NECAB1: variants seen among roughly 807,000 people sequenced by gnomAD.
The protein encoded by NECAB1 is N-terminal EF-hand calcium-binding protein 1.
NECAB1 carries 29 observed loss-of-function variants against 57.5 expected under a neutral mutation model. That is an observed-to-expected ratio of 0.50 (90% CI 0.38 to 0.69). The LOEUF (loss-of-function observed/expected upper bound fraction) is 0.69, where lower values mean the gene tolerates loss of function less well. NECAB1 is among the 30% of genes least tolerant of loss of function. The pLI is 0.00. For synonymous variants in NECAB1, 142 were observed against 147.7 expected (o/e 0.96, Z 0.28); for missense variants, 372 against 413.8 (o/e 0.90, Z 0.88).
chr8:90,800,654 A>G (rs1049376252), intron 1 of NECAB1, among the ~76,000 whole-genome samples: 2 of 152,230 alleles, frequency 1.3e-5, no homozygotes, highest in African/African-American at 4.8e-5. Context: ...TTCAACCTAC[A>G]ATATATCCAA....
intron 10 of NECAB1, 37 bp from the exon 11 acceptor site, chr8:90,949,770 T>C: frequency 1.6e-6 from 2 of 1,249,080 alleles, no homozygotes; most frequent in South Asian, 1.3e-5. Flanking sequence ...ATCTTTAATT[T>C]CCAGTAGCTA....
chr8:90,944,483 C>G (rs1810751759), intron 10 of NECAB1, among the ~76,000 whole-genome samples: 1 of 152,198 alleles, frequency 6.6e-6, no homozygotes, highest in South Asian at 2.1e-4. Flanking sequence ...CATACACACA[C>G]TATTCTTCAC....
At chr8:90,798,723 G>T (rs961953934) in intron 1 of NECAB1, among the ~76,000 whole-genome samples, 1 of 152,114 alleles carries the variant, frequency 6.6e-6, no homozygotes, top group African/African-American at 2.4e-5. Flanking sequence ...AGTTGATTTA[G>T]TATTTTTGCT....
At chr8:90,874,689 A>AT (rs1423597767) in intron 4 of NECAB1, among the ~76,000 whole-genome samples, 1 of 152,086 alleles carries the variant, frequency 6.6e-6, no homozygotes, top group Non-Finnish European at 1.5e-5. Flanking sequence ...ATGAACCTTA[A>AT]TTTTTTTCAA....
chr8:90,872,405 C>T (rs577101595), intron 4 of NECAB1: 80 of 348,340 alleles, frequency 2.3e-4, no homozygotes, highest in African/African-American at 1.6e-3. Flanking sequence ...ACATTAGTTT[C>T]GCAAGAGCAA....
intron 6 of NECAB1, among the ~76,000 whole-genome samples, chr8:90,921,495 C>T (rs1246274763): frequency 6.6e-6 from 1 of 151,936 alleles, no homozygotes; most frequent in Non-Finnish European, 1.5e-5. Context: ...ATGATGAAAT[C>T]CTGTCTCTAC....
rs200283778 is a variant in NECAB1, at chr8:90,896,876, CA to C, written c.357+15747del. Among the ~76,000 whole-genome samples, 1,186 of 152,136 alleles carry C rather than the reference CA, an allele frequency of 7.8e-3. 24 individuals are homozygous for C. Among genetic ancestry groups the C allele is most frequent in the East Asian group, 0.072 (370 of 5,134 alleles). ...CTGCCCTGACTCCCGCCAAAGCACT[CA>C]CCACTTCATTCTCTTTAAATTAGCC... On this transcript the variant is annotated intron_variant, in intron 5 of 12. Coordinates refer to ENST00000417640, the MANE Select transcript of NECAB1 (RefSeq NM_022351.5).
chr8:90,878,146 C>G (rs561022252), intron 4 of NECAB1, among the ~76,000 whole-genome samples: 1 of 152,038 alleles, frequency 6.6e-6, no homozygotes, highest in Non-Finnish European at 1.5e-5. Context: ...AAGCAATTCT[C>G]CTGCCTTATC....
intron 9 of NECAB1, among the ~76,000 whole-genome samples, chr8:90,936,425 C>G (rs957861897): frequency 2.0e-5 from 3 of 152,080 alleles, no homozygotes; most frequent in Non-Finnish European, 4.4e-5. Flanking sequence ...CTCACAATAG[C>G]CAGCCAAATG....
chr8:90,812,295 G>A (rs921722857), intron 2 of NECAB1, among the ~76,000 whole-genome samples: 3 of 152,090 alleles, frequency 2.0e-5, no homozygotes, highest in Admixed American at 6.5e-5. Context: ...ATCTACATCC[G>A]CTACAAACTA....
intron 3 of NECAB1, among the ~76,000 whole-genome samples, chr8:90,838,448 C>A (rs1223067966): frequency 6.6e-6 from 1 of 152,184 alleles, no homozygotes; most frequent in African/African-American, 2.4e-5. Context: ...CCCACTTACT[C>A]CAGTTCAGGG....
chr8:90,945,603 A>G (rs1035608601), intron 10 of NECAB1, among the ~76,000 whole-genome samples: 1 of 152,192 alleles, frequency 6.6e-6, no homozygotes, highest in African/African-American at 2.4e-5. Flanking sequence ...TTCACTGGTT[A>G]GGCCTTGCTT....
rs977793508 is a variant in NECAB1 at position 90,922,468 on chromosome 8, A to G, written c.495-3067A>G. ...TAATCACCTACTCCCCTGACCACCA[A>G]AGCTGCCAAAAACTTGGATTTTTTT... On this transcript the variant is annotated intron_variant, in intron 6 of 12. Coordinates refer to ENST00000417640, the MANE Select transcript of NECAB1 (RefSeq NM_022351.5). Among the ~76,000 whole-genome samples, 4 of 120,496 alleles carry G rather than the reference A, an allele frequency of 3.3e-5. 1 individual carries two copies. The South Asian group carries it at 8.0e-4, about 24-fold the overall frequency. 79.1% of individuals were successfully genotyped at this position (120,496 alleles called of 152,430 possible).
intron 8 of NECAB1, among the ~76,000 whole-genome samples, chr8:90,933,900 T>C (rs1375067747): frequency 6.6e-6 from 1 of 152,112 alleles, no homozygotes; most frequent in Non-Finnish European, 1.5e-5. Flanking sequence ...TATAATGATG[T>C]CCCAAGAAAT....
intron 6 of NECAB1, among the ~76,000 whole-genome samples, chr8:90,924,941 T>C (rs944717690): frequency 4.6e-5 from 7 of 151,642 alleles, no homozygotes; most frequent in Non-Finnish European, 1.0e-4. Flanking sequence ...ATATAACATA[T>C]ACTGTATATA....
chr8:90,880,901 G>A (rs1316941281), intron 4 of NECAB1, 132 bp from the exon 5 acceptor site: 3 of 632,506 alleles, frequency 4.7e-6, no homozygotes, highest in Non-Finnish European at 8.3e-6. Context: ...GTCTTATTTG[G>A]AAACCTTCCA....
chr8:90,878,012 C>G (rs534107290), intron 4 of NECAB1, among the ~76,000 whole-genome samples: 6 of 152,102 alleles, frequency 3.9e-5, no homozygotes, highest in South Asian at 2.1e-4. Flanking sequence ...CTCTCTGACT[C>G]ACCCAGGCAG....
chr8:90,913,126 C>T (rs1376437255), intron 5 of NECAB1, among the ~76,000 whole-genome samples: 1 of 152,162 alleles, frequency 6.6e-6, no homozygotes. Context: ...ATGGGCAGAG[C>T]TTGCTTACTG....
Position 90,940,781 on chromosome 8 carries a change from G to A in NECAB1, c.748-5G>A. 1 of 1,555,074 alleles carries A rather than the reference G, an allele frequency of 6.4e-7. No individual in the cohort carries two copies. The highest frequency in any genetic ancestry group is 8.7e-7 in the Non-Finnish European group (1 of 1,148,610). ...ACGCAGTGACCCTCGCCCCTTCCTT[G>A]GCAGCACATCATGCTTGTGCAGCGG... On this transcript the variant is annotated splice_region_variant and splice_polypyrimidine_tract_variant and intron_variant, in intron 9 of 12. Transcript: ENST00000417640.
Sources: allele counts gnomAD v4.1 joint callset (sites outside exome capture counted in the v4.1 genomes callset), GRCh38; gene constraint gnomAD v4.1.1; transcripts MANE v1.5; gene names NCBI Gene and HGNC (gene_info 2026-07-23, HGNC 2026-07-21).